The following PRKCQ variants were observed in gnomAD, a reference collection of about 807,000 sequenced individuals.
The protein encoded by PRKCQ is protein kinase C theta type.
Under a neutral mutation model 91.2 loss-of-function variants are expected in PRKCQ, and 41 were observed. The ratio of observed to expected loss-of-function variants is 0.45; its 90% CI spans 0.35 to 0.58. The LOEUF (loss-of-function observed/expected upper bound fraction) is 0.58. PRKCQ is among the 20% of genes least tolerant of loss of function. The probability of loss-of-function intolerance (pLI) is 0.00; values close to 1 mark genes in which losing one functional copy is unlikely to be tolerated. For missense variants in PRKCQ, 673 were observed against 896.5 expected (o/e 0.75, Z 3.18); for synonymous variants, 307 against 316.9 (o/e 0.97, Z 0.33).
At chr10:6,413,790 T>C in the PRKCQ span, among the ~76,000 whole-genome samples, 3 of 140,010 alleles carry the variant, frequency 2.1e-5, no homozygotes, top group African/African-American at 8.4e-5. Flanking sequence ...ACACACACAC[T>C]AGGAAGCACT....
At chr10:6,442,630 G>T (rs1834032669) in intron 15 of PRKCQ, among the ~76,000 whole-genome samples, 1 of 152,144 alleles carries the variant, frequency 6.6e-6, no homozygotes, top group Non-Finnish European at 1.5e-5. Context: ...GAATCAAATT[G>T]TGTCCTGTGC....
chr10:6,510,233 AT>A (rs1184893550), intron 3 of PRKCQ, among the ~76,000 whole-genome samples: 5 of 152,272 alleles, frequency 3.3e-5, no homozygotes, highest in Admixed American at 6.5e-5. Context: ...TTTCATTGGA[AT>A]TTTTTTAACG....
At chr10:6,535,624 G>T (rs1011436779) in intron 1 of PRKCQ, among the ~76,000 whole-genome samples, 1 of 152,136 alleles carries the variant, frequency 6.6e-6, no homozygotes, top group African/African-American at 2.4e-5. Flanking sequence ...CAGACAAGCT[G>T]CCGGCCTGAC....
intron 12 of PRKCQ, among the ~76,000 whole-genome samples, chr10:6,467,385 C>CAGAGAGAGAGAG (rs1564324292): frequency 2.5e-5 from 1 of 39,476 alleles, no homozygotes; most frequent in African/African-American, 1.2e-4. Context: ...CAGAGAGAGA[C>CAGAGAGAGAGAG]AGACAGAGAG....
At chr10:6,572,842 CCCA>C (rs1211213149) in intron 1 of PRKCQ, among the ~76,000 whole-genome samples, 1 of 152,114 alleles carries the variant, frequency 6.6e-6, no homozygotes, top group African/African-American at 2.4e-5. Flanking sequence ...AATTTACATT[CCCA>C]CCACCAAGAG....
intron 1 of PRKCQ, among the ~76,000 whole-genome samples, chr10:6,567,401 G>A (rs186794931): frequency 1.1e-3 from 165 of 152,360 alleles, no homozygotes; most frequent in African/African-American, 3.8e-3. Context: ...CAGAACACAC[G>A]GATGGAGATG....
chr10:6,547,928 C>T (rs1840026242), intron 1 of PRKCQ, among the ~76,000 whole-genome samples: 2 of 149,852 alleles, frequency 1.3e-5, no homozygotes, highest in Admixed American at 1.3e-4. Flanking sequence ...AAGAAACTAC[C>T]ATCAGAGTGA....
intron 8 of PRKCQ, among the ~76,000 whole-genome samples, chr10:6,487,955 A>C (rs1837022464): frequency 6.7e-6 from 1 of 149,700 alleles, no homozygotes; most frequent in Non-Finnish European, 1.5e-5. Flanking sequence ...CAGTGAGCTG[A>C]GATCGTGCCA....
At position 6,529,292 on chromosome 10, in the gene PRKCQ, G is replaced by C. The variant is rs188604693; in HGVS notation, c.-9-14148C>G. The stretch of plus-strand genomic sequence containing the variant: ...CACAAAGATGCTGCCTTCTGTAGGA[G>C]TAAATGGAAATGTAGGACTCTGCTT... On this transcript the variant is annotated intron_variant, in intron 1 of 17. Transcript: ENST00000263125. Among the ~76,000 whole-genome samples the C allele has an allele frequency of 3.2e-3, 483 of 152,330 alleles. 2 individuals are homozygous for C. Among genetic ancestry groups the C allele is most frequent in the African/African-American group, 0.011 (461 of 41,570 alleles).
intron 1 of PRKCQ, among the ~76,000 whole-genome samples, chr10:6,535,777 A>T (rs1564379750): frequency 6.6e-6 from 1 of 152,126 alleles, no homozygotes; most frequent in African/African-American, 2.4e-5. Flanking sequence ...ATCAAAGCGG[A>T]CAGATCCCGA....
intron 1 of PRKCQ, among the ~76,000 whole-genome samples, chr10:6,540,272 T>C (rs1487938431): frequency 1.3e-5 from 2 of 152,188 alleles, no homozygotes; most frequent in African/African-American, 4.8e-5. Flanking sequence ...TTTTTAATTG[T>C]ATAGTTCAGT....
At chr10:6,480,737 T>C (rs182447386) in intron 11 of PRKCQ, among the ~76,000 whole-genome samples, 240 of 152,350 alleles carry the variant, frequency 1.6e-3, no homozygotes, top group South Asian at 3.1e-3. Flanking sequence ...TTTGTTTCTG[T>C]TATTGACTTT....
chr10:6,516,302 T>C (rs1358678835), intron 1 of PRKCQ, among the ~76,000 whole-genome samples: 1 of 152,214 alleles, frequency 6.6e-6, no homozygotes, highest in East Asian at 1.9e-4. Context: ...TTAGGAGCTT[T>C]TGACGGGCAT....
At chr10:6,574,309 T>C (rs936391442) in intron 1 of PRKCQ, among the ~76,000 whole-genome samples, 5 of 152,202 alleles carry the variant, frequency 3.3e-5, no homozygotes, top group Non-Finnish European at 7.3e-5. Context: ...ATGGCACTTG[T>C]ATACATTGGT....
At chr10:6,565,272 G>A (rs185167830) in intron 1 of PRKCQ, among the ~76,000 whole-genome samples, 2 of 152,224 alleles carry the variant, frequency 1.3e-5, no homozygotes, top group East Asian at 1.9e-4. Flanking sequence ...TTTTTTCCAT[G>A]AGAAAATATC....
the PRKCQ span, among the ~76,000 whole-genome samples, chr10:6,419,185 A>ACC: frequency 6.9e-6 from 1 of 144,540 alleles, no homozygotes; most frequent in African/African-American, 2.9e-5. Context: ...ACTTCTGTCT[A>ACC]TCTCTCTATC....
rs549080905 is a variant in PRKCQ, at chr10:6,499,743, T to C, written c.380-1185A>G. Among the ~76,000 whole-genome samples the C allele has an allele frequency of 2.0e-5, 3 of 152,354 alleles. No individual in the cohort carries two copies. In the East Asian group the frequency reaches 5.8e-4, roughly 29 times the overall value. ...ATGAGTTAATAATATTCAAACTAAA[T>C]TTCTTCTATTGTGGCTAAGCAGTGG... On this transcript the variant is annotated intron_variant, in intron 4 of 17. Coordinates refer to ENST00000263125, the MANE Select transcript of PRKCQ (RefSeq NM_006257.5).
chr10:6,577,755 C>T (rs1400921517), intron 1 of PRKCQ, among the ~76,000 whole-genome samples: 4 of 151,700 alleles, frequency 2.6e-5, no homozygotes. Flanking sequence ...ATCAGCAACT[C>T]TAAGACATCA....
intron 16 of PRKCQ, 54 bp downstream of exon 16, chr10:6,441,839 G>A (rs2132259245): frequency 6.6e-7 from 1 of 1,511,688 alleles, no homozygotes; most frequent in Non-Finnish European, 8.9e-7. Context: ...ACAGAAAACT[G>A]ACCAGAAGAC....
Sources: gnomAD v4.1 joint callset for allele counts (sites outside exome capture counted in the v4.1 genomes callset) on GRCh38, gnomAD v4.1.1 for gene constraint, MANE v1.5 for transcripts, NCBI Gene and HGNC (gene_info 2026-07-23, HGNC 2026-07-21) for gene names.